STAG1: variants seen among roughly 807,000 people sequenced by gnomAD.
The protein encoded by STAG1 is STAG1 cohesin complex component, also known as cohesin subunit SA-1.
A neutral mutation model predicts 170.9 loss-of-function variants in STAG1; 26 were observed. That is an observed-to-expected ratio of 0.15 (90% CI 0.11 to 0.21). The LOEUF is 0.21. Among genes scored for constraint, STAG1 ranks in the 10% least tolerant of loss-of-function variants. The pLI is 1.00. For missense variants in STAG1, 964 were observed against 1,509.5 expected, an observed-to-expected ratio of 0.64 and a Z score of 5.99; for synonymous variants, 514 against 497.7, an observed-to-expected ratio of 1.03 and a Z score of -0.44.
chr3:136,341,476 G>A lies in STAG1; in HGVS notation c.3522C>T (p.Asn1174=). Residue 1174 remains asparagine (N), a synonymous_variant, in exon 31 of 34, where the codon AAC becomes AAT. Coordinates refer to ENST00000383202, the MANE Select transcript of STAG1 (RefSeq NM_005862.3). ...TCACTCCAGTTCTCACTTTCATGTA[G>A]TTCATTCCTGTTCTGTCCTTCCGAT... The part of the protein sequence containing the change: ...DLNRKDRTGM[N]YMKVRTGVRH... The A allele has an allele frequency of 6.2e-7, 1 of 1,613,818 alleles. No homozygotes were observed. The highest frequency in any genetic ancestry group is 8.5e-7 in the Non-Finnish European group (1 of 1,179,814).
intron 12 of STAG1, among the ~76,000 whole-genome samples, chr3:136,469,263 G>C (rs1035862697): frequency 1.8e-4 from 27 of 152,286 alleles, no homozygotes; most frequent in African/African-American, 6.0e-4. Flanking sequence ...ATCTCCTTAA[G>C]CTGATAAGCA....
chr3:136,640,953 G>A (rs1246268112), intron 1 of STAG1, among the ~76,000 whole-genome samples: 2 of 152,212 alleles, frequency 1.3e-5, no homozygotes, highest in Non-Finnish European at 2.9e-5. Flanking sequence ...GGGATTACAG[G>A]CGTGAGCCAC....
chr3:136,352,837 T>C (rs535915256), intron 28 of STAG1, among the ~76,000 whole-genome samples: 1 of 152,362 alleles, frequency 6.6e-6, no homozygotes, highest in African/African-American at 2.4e-5. Context: ...TATTCTGTGA[T>C]GTTTGGTAGA....
chr3:136,344,253 T>C (rs1343091174), intron 29 of STAG1, among the ~76,000 whole-genome samples: 1 of 152,220 alleles, frequency 6.6e-6, no homozygotes, highest in Non-Finnish European at 1.5e-5. Context: ...GTAATGTATG[T>C]AACCACTGAA....
intron 1 of STAG1, among the ~76,000 whole-genome samples, chr3:136,682,900 T>G (rs1234791529): frequency 6.6e-6 from 1 of 152,074 alleles, no homozygotes; most frequent in African/African-American, 2.4e-5. Flanking sequence ...TGGATAAAAA[T>G]GCAGTATATA....
At chr3:136,703,326 A>G (rs978688106) in intron 1 of STAG1, among the ~76,000 whole-genome samples, 6 of 152,158 alleles carry the variant, frequency 3.9e-5, no homozygotes, top group African/African-American at 7.2e-5. Flanking sequence ...TTCACCAGCT[A>G]GGAGGCAAGC....
At chr3:136,394,383 C>A (rs967596203) in intron 22 of STAG1, among the ~76,000 whole-genome samples, 76 of 152,238 alleles carry the variant, frequency 5.0e-4, no homozygotes, top group Non-Finnish European at 3.4e-4. Flanking sequence ...ACTTGAGAGA[C>A]AAATACCTAA....
At chr3:136,540,113 G>T (rs1000779127) in intron 6 of STAG1, among the ~76,000 whole-genome samples, 1 of 151,664 alleles carries the variant, frequency 6.6e-6, no homozygotes, top group Non-Finnish European at 1.5e-5. Context: ...GTCTTTTGAA[G>T]AAAAAAATGT....
At chr3:136,602,597 T>C (rs1938725848) in intron 4 of STAG1, among the ~76,000 whole-genome samples, 1 of 152,074 alleles carries the variant, frequency 6.6e-6, no homozygotes, top group Admixed American at 6.6e-5. Flanking sequence ...ATGCCTGTAA[T>C]CCCAGCACTT....
At chr3:136,549,475 A>AT (rs1026133721) in intron 5 of STAG1, among the ~76,000 whole-genome samples, 19 of 151,904 alleles carry the variant, frequency 1.3e-4, no homozygotes, top group Admixed American at 5.2e-4. Context: ...ATCCTGGCTG[A>AT]TTTTTTGTAG....
chr3:136,447,595 CA>C lies in STAG1; in HGVS notation c.1429-4192del, dbSNP rs1559806776. Reference sequence around the variant, plus strand: ...ATCCTTATCCCTCTGAAAAGCATCACATTTTTTTTTTTTTTTTTTTTTTTTT... The same window carrying C: ...ATCCTTATCCCTCTGAAAAGCATCACTTTTTTTTTTTTTTTTTTTTTTTTT... On this transcript the variant is annotated intron_variant, in intron 14 of 33. Transcript: ENST00000383202. Among the ~76,000 whole-genome samples, 35 of 121,408 alleles carry C rather than the reference CA, an allele frequency of 2.9e-4. 1 individual carries two copies. In the South Asian group the frequency reaches 6.5e-3, roughly 22 times the overall value. The allele number at this position is 121,408 out of a possible 152,430, so 79.6% of individuals were successfully genotyped here.
At chr3:136,677,375 T>A (rs1234819459) in intron 1 of STAG1, among the ~76,000 whole-genome samples, 4 of 152,166 alleles carry the variant, frequency 2.6e-5, no homozygotes, top group Non-Finnish European at 5.9e-5. Context: ...GATCATCTTA[T>A]GAAATAACTG....
chr3:136,568,192 C>A (rs67113926), intron 5 of STAG1, among the ~76,000 whole-genome samples: 1 of 151,924 alleles, frequency 6.6e-6, no homozygotes, highest in Non-Finnish European at 1.5e-5. Flanking sequence ...ACTCACTTCC[C>A]CCCATGTAAT....
In STAG1 at chr3:136,549,277, T is replaced by G. The variant is rs956942959; in HGVS notation, c.395-7082A>C. On this transcript the variant is annotated intron_variant, in intron 5 of 33. Transcript: ENST00000383202. Reference sequence around the variant, plus strand: ...CCTGTTACTTTGCCGAATTGATTGATGAATTGTAACATTTTTGTGGAATAA... The same window carrying G: ...CCTGTTACTTTGCCGAATTGATTGAGGAATTGTAACATTTTTGTGGAATAA... Among the ~76,000 whole-genome samples the G allele has an allele frequency of 4.6e-5, 7 of 152,188 alleles. No homozygotes were observed. In the East Asian group the frequency reaches 7.7e-4, roughly 17 times the overall value.
At chr3:136,371,664 G>C (rs1417103611) in intron 23 of STAG1, among the ~76,000 whole-genome samples, 1 of 152,130 alleles carries the variant, frequency 6.6e-6, no homozygotes, top group Non-Finnish European at 1.5e-5. Context: ...TCAGATAGTT[G>C]TAGATATGCG....
chr3:136,631,072 A>C (rs1209641010), intron 1 of STAG1, 91 bp from the exon 2 acceptor site: 2 of 600,656 alleles, frequency 3.3e-6, no homozygotes, highest in Non-Finnish European at 5.7e-6. Flanking sequence ...ACCAGTGATC[A>C]CACTACTTGG....
Position 136,476,509 on chromosome 3 carries a change from T to C in STAG1, c.1026+780A>G, listed in dbSNP as rs558054652. Among the ~76,000 whole-genome samples, 420 of 152,296 alleles carry C rather than the reference T, an allele frequency of 2.8e-3. 4 individuals carry two copies. Among genetic ancestry groups the C allele is most frequent in the Non-Finnish European group, 4.5e-3 (305 of 68,020 alleles). ...AAGCAAACAAAAGTATTACGTAACA[T>C]GTATAATGAAAGGATCAACAATGGA... On this transcript the variant is annotated intron_variant, in intron 10 of 33. Coordinates refer to ENST00000383202, the MANE Select transcript of STAG1 (RefSeq NM_005862.3).
chr3:136,458,104 T>C (rs60270684), intron 13 of STAG1, among the ~76,000 whole-genome samples: 12,037 of 152,246 alleles, frequency 0.079, 495 homozygotes, highest in Non-Finnish European at 0.095. Context: ...TCAAAGTTAT[T>C]ATAAGTTTAA....
At chr3:136,539,172 T>C (rs182558064) in intron 6 of STAG1, among the ~76,000 whole-genome samples, 2 of 152,148 alleles carry the variant, frequency 1.3e-5, no homozygotes, top group African/African-American at 4.8e-5. Flanking sequence ...GGATATACAA[T>C]TGAAACAATT....
Sources: gnomAD v4.1 joint callset for allele counts (sites outside exome capture counted in the v4.1 genomes callset) on GRCh38, gnomAD v4.1.1 for gene constraint, MANE v1.5 for transcripts, NCBI Gene and HGNC (gene_info 2026-07-23, HGNC 2026-07-21) for gene names.